MYO9A: variants seen among roughly 807,000 people sequenced by gnomAD.
MYO9A encodes the protein unconventional myosin-IXa.
In MYO9A, 103 loss-of-function variants were observed where a neutral mutation model predicts 293.3. The ratio of observed to expected loss-of-function variants is 0.35; its 90% CI spans 0.30 to 0.41. The LOEUF (loss-of-function observed/expected upper bound fraction) is 0.41, where lower values mean the gene tolerates loss of function less well. Ranked by LOEUF, MYO9A falls within the 10% of genes least tolerant of loss-of-function variation. The pLI is 1.00. For missense variants in MYO9A, 2,685 were observed against 3,033.0 expected, an observed-to-expected ratio of 0.89 and a Z score of 2.69; for synonymous variants, 1,001 against 1,035.7, an observed-to-expected ratio of 0.97 and a Z score of 0.64.
intron 12 of MYO9A, among the ~76,000 whole-genome samples, chr15:71,972,023 G>T (rs1045316734): frequency 1.3e-5 from 2 of 151,982 alleles, no homozygotes; most frequent in African/African-American, 4.8e-5. Context: ...TCCAGAAAGG[G>T]TCCCTCCCCA....
At chr15:71,923,541 T>C (rs1687049706) in intron 18 of MYO9A, among the ~76,000 whole-genome samples, 1 of 152,176 alleles carries the variant, frequency 6.6e-6, no homozygotes, top group Non-Finnish European at 1.5e-5. Flanking sequence ...GAACTCAGAG[T>C]TGTTACTGGT....
intron 1 of MYO9A, among the ~76,000 whole-genome samples, chr15:72,104,297 G>GT (rs1057162767): frequency 1.2e-4 from 19 of 152,162 alleles, no homozygotes; most frequent in African/African-American, 4.6e-4. Flanking sequence ...ATTATATTTG[G>GT]TAGGTTAGGT....
chr15:71,896,472 A>T (rs1216799536), intron 25 of MYO9A, among the ~76,000 whole-genome samples: 3 of 152,112 alleles, frequency 2.0e-5, no homozygotes. Context: ...CTCTAGTTTA[A>T]AAAAGTATAA....
At chr15:71,973,929 T>C (rs1342886995) in intron 12 of MYO9A, among the ~76,000 whole-genome samples, 1 of 152,138 alleles carries the variant, frequency 6.6e-6, no homozygotes, top group Non-Finnish European at 1.5e-5. Context: ...AGACTTCCAA[T>C]GGCTATGTGG....
At chr15:71,866,994 CTG>C (rs1312426932) in intron 32 of MYO9A, among the ~76,000 whole-genome samples, 2 of 151,828 alleles carry the variant, frequency 1.3e-5, no homozygotes, top group Non-Finnish European at 2.9e-5. Context: ...GAGGTGGAAG[CTG>C]TGGTGAGCCG....
chr15:71,999,765 C>A (rs1486613165), intron 9 of MYO9A, 86 bp downstream of exon 9: 2 of 973,340 alleles, frequency 2.1e-6, no homozygotes, highest in Admixed American at 2.6e-5. Context: ...TTGTCATTTT[C>A]ATGCTGTTAA....
At chr15:71,915,143 T>C (rs1290330732) in intron 19 of MYO9A, among the ~76,000 whole-genome samples, 1 of 152,130 alleles carries the variant, frequency 6.6e-6, no homozygotes, top group Non-Finnish European at 1.5e-5. Flanking sequence ...AATAAACTTA[T>C]ATTACTCAAC....
In MYO9A at chr15:71,951,801, G is replaced by A; in HGVS notation, c.2278C>T (p.Gln760Ter). The change falls in exon 15 of 42, where the codon CAG becomes TAG. Residue 760 changes from glutamine to a stop codon, truncating the protein, a stop_gained. Transcript: ENST00000356056. LOFTEE classifies it high-confidence loss of function. ...PVHQRSLEIL[Q>*]RCKEEKYSIT... Reference sequence around the variant, plus strand: ...CTGTACTTCTCTTCCTTGCATCTCTGCAGAATCTCTAAGCTCCTCTGGTGG... The same window carrying A: ...CTGTACTTCTCTTCCTTGCATCTCTACAGAATCTCTAAGCTCCTCTGGTGG... The A allele has an allele frequency of 6.2e-7, 1 of 1,613,560 alleles. No homozygotes were observed. Among genetic ancestry groups the A allele is most frequent in the Non-Finnish European group, 8.5e-7 (1 of 1,179,868 alleles).
intron 1 of MYO9A, among the ~76,000 whole-genome samples, chr15:72,047,384 T>C (rs993810104): frequency 6.6e-6 from 1 of 152,210 alleles, no homozygotes; most frequent in Non-Finnish European, 1.5e-5. Flanking sequence ...TACCTAACCT[T>C]ATTTATTGCA....
intron 8 of MYO9A, among the ~76,000 whole-genome samples, chr15:72,001,211 C>G (rs1194873999): frequency 6.6e-6 from 1 of 151,970 alleles, no homozygotes; most frequent in Admixed American, 6.6e-5. Context: ...ATAATAAAAA[C>G]ATAACATTCA....
At chr15:72,097,084 T>C (rs536720627) in intron 1 of MYO9A, among the ~76,000 whole-genome samples, 2 of 152,192 alleles carry the variant, frequency 1.3e-5, no homozygotes, top group Non-Finnish European at 2.9e-5. Flanking sequence ...TAATATTACA[T>C]CAACATAGTT....
intron 13 of MYO9A, among the ~76,000 whole-genome samples, chr15:71,963,271 C>A (rs2075788561): frequency 6.6e-6 from 1 of 151,928 alleles, no homozygotes; most frequent in Non-Finnish European, 1.5e-5. Context: ...TCTGTGTAGA[C>A]ACTAGGCCTT....
At chr15:71,977,624 C>CA (rs1003849843) in intron 12 of MYO9A, among the ~76,000 whole-genome samples, 31 of 144,570 alleles carry the variant, frequency 2.1e-4, no homozygotes, top group South Asian at 1.5e-3. Flanking sequence ...AACATGTAAC[C>CA]AAAAAAAAAA....
chr15:72,049,529 T>C (rs565138271), intron 1 of MYO9A, among the ~76,000 whole-genome samples: 5 of 152,292 alleles, frequency 3.3e-5, no homozygotes, highest in Admixed American at 1.3e-4. Context: ...GTCCCCAACC[T>C]CTGGGCCATG....
intron 4 of MYO9A, among the ~76,000 whole-genome samples, chr15:72,025,259 G>A (rs562099713): frequency 1.3e-5 from 2 of 152,216 alleles, no homozygotes; most frequent in Admixed American, 1.3e-4. Flanking sequence ...GGACAAAGAA[G>A]GCCATCTTAT....
At chr15:71,943,562 A>T (rs2146241463) in intron 15 of MYO9A, among the ~76,000 whole-genome samples, 1 of 152,234 alleles carries the variant, frequency 6.6e-6, no homozygotes, top group South Asian at 2.1e-4. Flanking sequence ...AAAGTTAAAC[A>T]TATATATGTT....
In MYO9A at chr15:71,933,717, G is replaced by A. The variant is rs769018821; in HGVS notation, c.2523-8C>T. The A allele has an allele frequency of 3.3e-6, 5 of 1,528,622 alleles. No individual in the cohort carries two copies. In the Admixed American group the frequency reaches 9.3e-5, roughly 28 times the overall value. 94.7% of individuals were successfully genotyped at this position (1,528,622 alleles called of 1,614,324 possible). A position where few individuals can be genotyped will look rare whatever the true frequency, so the allele number is the denominator to read the frequency against. ...TTGAAATTTTTGTTTCTCCTATAGA[G>A]ATAAATCATTCATTAAAAAAAGCTA... On this transcript the variant is annotated splice_region_variant and splice_polypyrimidine_tract_variant and intron_variant, in intron 17 of 41. Transcript: ENST00000356056.
In MYO9A at chr15:71,826,318, A is replaced by G. The variant is rs939575467; in HGVS notation, c.*262T>C. ...GGAGAGGCAACTACAACTGACCCAAATCCCCAGGCCCTAGGTGGCTTTGTA... is the reference window on the plus strand; with the variant it reads ...GGAGAGGCAACTACAACTGACCCAAGTCCCCAGGCCCTAGGTGGCTTTGTA... On this transcript the variant is annotated 3_prime_UTR_variant, in exon 42 of 42. Transcript: ENST00000356056. 11 of 397,718 alleles carry G rather than the reference A, an allele frequency of 2.8e-5. No individual in the cohort carries two copies. The highest frequency in any genetic ancestry group is 8.4e-5 in the Admixed American group (2 of 23,916). The allele number at this position is 397,718 out of a possible 1,614,324, so 24.6% of individuals were successfully genotyped here. A position where few individuals can be genotyped will look rare whatever the true frequency, so the allele number is the denominator to read the frequency against.
chr15:72,038,150 TG>T (rs2149529164), intron 2 of MYO9A, among the ~76,000 whole-genome samples: 1 of 152,316 alleles, frequency 6.6e-6, no homozygotes, highest in South Asian at 2.1e-4. Flanking sequence ...CCTGAACTCC[TG>T]GGCTCAAGTG....
Sources: gnomAD v4.1 joint callset for allele counts (sites outside exome capture counted in the v4.1 genomes callset) on GRCh38, gnomAD v4.1.1 for gene constraint, MANE v1.5 for transcripts, NCBI Gene and HGNC (gene_info 2026-07-23, HGNC 2026-07-21) for gene names.